The following BMPER variants were observed in gnomAD, a reference collection of about 807,000 sequenced individuals.
The protein encoded by BMPER is BMP-binding endothelial regulator protein.
In BMPER, 45 loss-of-function variants were observed where a neutral mutation model predicts 87.3. That is an observed-to-expected ratio of 0.52 (90% CI 0.41 to 0.66). The LOEUF (loss-of-function observed/expected upper bound fraction) is 0.66. Ranked by LOEUF, BMPER falls within the 30% of genes least tolerant of loss-of-function variation. The pLI, the probability that BMPER is intolerant of heterozygous loss-of-function variation, is 0.00. For missense variants in BMPER, 784 were observed against 867.5 expected, an observed-to-expected ratio of 0.90 and a Z score of 1.21; for synonymous variants, 326 against 316.2, an observed-to-expected ratio of 1.03 and a Z score of -0.33.
intron 3 of BMPER, among the ~76,000 whole-genome samples, chr7:33,963,508 C>T (rs560609322): frequency 1.4e-4 from 21 of 152,164 alleles, no homozygotes; most frequent in African/African-American, 4.6e-4. Context: ...AAAACAAAAA[C>T]AAAGGCTGGG....
chr7:33,914,030 C>T (rs1308374118), intron 2 of BMPER, among the ~76,000 whole-genome samples: 1 of 149,152 alleles, frequency 6.7e-6, no homozygotes. Flanking sequence ...GGCATGATCT[C>T]GGCTCACTGC....
chr7:34,064,724 A>G (rs753519196), intron 11 of BMPER, among the ~76,000 whole-genome samples: 3 of 152,202 alleles, frequency 2.0e-5, no homozygotes, highest in Non-Finnish European at 4.4e-5. Flanking sequence ...AGTCTCAATT[A>G]TATCATCAGA....
intron 13 of BMPER, among the ~76,000 whole-genome samples, chr7:34,087,208 C>T (rs1352480721): frequency 6.6e-6 from 1 of 152,130 alleles, no homozygotes; most frequent in African/African-American, 2.4e-5. Context: ...ATGGGTTTAG[C>T]TCCTTCAAGC....
rs568263545 is a variant in BMPER, at chr7:33,951,738, A to G, written c.319+14350A>G. Among the ~76,000 whole-genome samples the G allele has an allele frequency of 4.3e-4, 66 of 152,300 alleles. 1 individual carries two copies. In the Middle Eastern group the frequency reaches 0.01, roughly 24 times the overall value. On this transcript the variant is annotated intron_variant, in intron 3 of 14. Transcript: ENST00000649409. Reference sequence around the variant, plus strand: ...ATGGGAAAATTGGAACTAAGTTTCAATCTTCCTAGTTCAGCATGTGTCTCA... The same window carrying G: ...ATGGGAAAATTGGAACTAAGTTTCAGTCTTCCTAGTTCAGCATGTGTCTCA...
Position 34,074,806 on chromosome 7 carries a change from T to C in BMPER, c.1079-4051T>C, listed in dbSNP as rs561205339. The stretch of plus-strand genomic sequence containing the variant: ...TAAAGACGGGAGAAACCTTACGACA[T>C]GTTAAGTAAAAAATAGAAAATCAAA... On this transcript the variant is annotated intron_variant, in intron 11 of 14. Coordinates refer to ENST00000649409, the MANE Select transcript of BMPER (RefSeq NM_001365308.1). Among the ~76,000 whole-genome samples, 40 of 152,212 alleles carry C rather than the reference T, an allele frequency of 2.6e-4. 2 individuals are homozygous for C. The highest frequency in any genetic ancestry group is 5.9e-5 in the Non-Finnish European group (4 of 68,032).
rs573133402 is a variant in BMPER, at chr7:34,098,349, G to A, written c.1745+12257G>A. On this transcript the variant is annotated intron_variant, in intron 13 of 14. Coordinates refer to ENST00000649409, the MANE Select transcript of BMPER (RefSeq NM_001365308.1). ...GAGAGGCCCAGAGCCAGGAGTACAG[G>A]CCCATGCATCCAGAACAGCCAACAG... is the stretch of plus-strand genomic sequence containing the variant. Among the ~76,000 whole-genome samples the A allele has an allele frequency of 5.5e-3, 836 of 152,150 alleles. 4 individuals carry two copies. Among genetic ancestry groups the A allele is most frequent in the Non-Finnish European group, 6.7e-3 (455 of 67,984 alleles).
At chr7:34,071,214 C>T (rs1788729082) in intron 11 of BMPER, among the ~76,000 whole-genome samples, 1 of 152,072 alleles carries the variant, frequency 6.6e-6, no homozygotes. Context: ...TTACTCAACC[C>T]CATTTTAGCC....
intron 6 of BMPER, among the ~76,000 whole-genome samples, chr7:33,980,793 C>G (rs868676312): frequency 6.6e-6 from 1 of 152,094 alleles, no homozygotes; most frequent in African/African-American, 2.4e-5. Flanking sequence ...GGATTTTTAC[C>G]AATAAACATG....
At chr7:33,967,338 G>T (rs990182804) in intron 4 of BMPER, among the ~76,000 whole-genome samples, 1 of 152,152 alleles carries the variant, frequency 6.6e-6, no homozygotes, top group African/African-American at 2.4e-5. Context: ...GTTGTCCAAG[G>T]ATATGCTTTT....
intron 3 of BMPER, among the ~76,000 whole-genome samples, chr7:33,939,785 G>A (rs570617858): frequency 4.7e-4 from 72 of 152,270 alleles, no homozygotes; most frequent in African/African-American, 1.7e-3. Context: ...CAGCCATGCT[G>A]AGCTGTGACG....
At chr7:34,046,080 A>T (rs978425899) in intron 6 of BMPER, among the ~76,000 whole-genome samples, 7 of 152,016 alleles carry the variant, frequency 4.6e-5, no homozygotes, top group African/African-American at 1.7e-4. Context: ...GGGTGAGAGG[A>T]GGTGATGCTG....
intron 2 of BMPER, among the ~76,000 whole-genome samples, chr7:33,914,127 T>C (rs1308371040): frequency 3.3e-5 from 5 of 150,992 alleles, no homozygotes; most frequent in Admixed American, 2.0e-4. Context: ...TATGCCCGGC[T>C]AATTTTTTTT....
At chr7:33,941,861 A>T (rs1784776778) in intron 3 of BMPER, among the ~76,000 whole-genome samples, 1 of 152,170 alleles carries the variant, frequency 6.6e-6, no homozygotes, top group Non-Finnish European at 1.5e-5. Context: ...GACTTAACAC[A>T]TTGTAACAGG....
In BMPER at chr7:34,024,122, T is replaced by C. The variant is rs1266168390; in HGVS notation, c.577-22184T>C. On this transcript the variant is annotated intron_variant, in intron 6 of 14. Coordinates refer to ENST00000649409, the MANE Select transcript of BMPER (RefSeq NM_001365308.1). Reference sequence around the variant, plus strand: ...GTTTTTATTTTTTCAGTTAAATTAATATGTGTGGGTGGATCAGTTGAGGTC... The same window carrying C: ...GTTTTTATTTTTTCAGTTAAATTAACATGTGTGGGTGGATCAGTTGAGGTC... 5.3e-5 allele frequency among the ~76,000 whole-genome samples: 8 copies of C among 151,176 alleles called. 1 individual carries two copies. In the East Asian group the frequency reaches 1.6e-3, roughly 30 times the overall value.
In BMPER at chr7:33,937,271, G is replaced by T. The variant is rs369314944; in HGVS notation, c.220-18G>T. On this transcript the variant is annotated intron_variant, in intron 2 of 14. Transcript: ENST00000649409. Reference sequence around the variant, plus strand: ...GTTTGATGTCTATTTCAAATCTCTCGTGTCTCTTTTTGTCTAGAACAAGGA... The same window carrying T: ...GTTTGATGTCTATTTCAAATCTCTCTTGTCTCTTTTTGTCTAGAACAAGGA... The T allele has an allele frequency of 7.5e-6, 12 of 1,608,042 alleles. No individual in the cohort carries two copies. Among genetic ancestry groups the T allele is most frequent in the Non-Finnish European group, 1.0e-5 (12 of 1,174,646 alleles).
chr7:34,008,263 G>A (rs896411564), intron 6 of BMPER, among the ~76,000 whole-genome samples: 2 of 151,910 alleles, frequency 1.3e-5, no homozygotes, highest in Admixed American at 6.6e-5. Context: ...ATTTCCAAGG[G>A]CTTTTATAAG....
intron 6 of BMPER, among the ~76,000 whole-genome samples, chr7:33,985,708 A>G (rs1213538117): frequency 6.6e-6 from 1 of 150,968 alleles, no homozygotes; most frequent in Non-Finnish European, 1.5e-5. Context: ...AGCATTTTCC[A>G]TATGTTTATC....
At chr7:34,062,785 G>A (rs1788473101) in intron 11 of BMPER, among the ~76,000 whole-genome samples, 2 of 152,148 alleles carry the variant, frequency 1.3e-5, no homozygotes, top group South Asian at 4.1e-4. Context: ...GTAATACATG[G>A]TATTTGTGTA....
chr7:33,928,588 G>A (rs1784412970), intron 2 of BMPER, among the ~76,000 whole-genome samples: 1 of 141,360 alleles, frequency 7.1e-6, no homozygotes, highest in Non-Finnish European at 1.5e-5. Flanking sequence ...TGAGCAGCCA[G>A]GACACTCTAA....
Sources: gnomAD v4.1 joint callset for allele counts (sites outside exome capture counted in the v4.1 genomes callset) on GRCh38, gnomAD v4.1.1 for gene constraint, MANE v1.5 for transcripts, NCBI Gene and HGNC (gene_info 2026-07-23, HGNC 2026-07-21) for gene names.